Variants in CELSR1 observed in about 807,000 individuals in gnomAD.
The protein encoded by CELSR1 is cadherin EGF LAG seven-pass G-type receptor 1, also known as adhesion G protein-coupled receptor C1.
A neutral mutation model predicts 249.1 loss-of-function variants in CELSR1; 110 were observed. That is an observed-to-expected ratio of 0.44 (90% confidence interval 0.38 to 0.52). The LOEUF (loss-of-function observed/expected upper bound fraction) is 0.52, where lower values mean the gene tolerates loss of function less well. CELSR1 is among the 20% of genes least tolerant of loss of function. The pLI, the probability that CELSR1 is intolerant of heterozygous loss-of-function variation, is 0.00. For synonymous variants in CELSR1, 2,113 were observed against 1,900.0 expected (o/e 1.11, Z -2.92); for missense variants, 4,109 against 4,296.4 (o/e 0.96, Z 1.22).
At position 46,396,585 on chromosome 22, in the gene CELSR1, G is replaced by C. The variant is rs753690366; in HGVS notation, c.5843+20C>G. 6.5e-7 allele frequency: 1 copy of C among 1,536,866 alleles called. No individual in the cohort carries two copies. Among genetic ancestry groups the C allele is most frequent in the African/African-American group, 1.4e-5 (1 of 71,938 alleles). On this transcript the variant is annotated intron_variant, in intron 13 of 34. Coordinates refer to ENST00000674500, the MANE Select transcript of CELSR1 (RefSeq NM_001378328.1). This position sits in a 1 kb window ranked among gnomAD's most constrained non-coding sequence, Gnocchi z 6.4. Reference sequence around the variant, plus strand: ...ACATGGACTCTGAAGGTGCAGGGAGGCACCAGGGGCTGCTCTTACTTGTTC... The same window carrying C: ...ACATGGACTCTGAAGGTGCAGGGAGCCACCAGGGGCTGCTCTTACTTGTTC...
rs530403062 is a variant in CELSR1, at chr22:46,441,309, T to C, written c.4184-1898A>G. Among the ~76,000 whole-genome samples the C allele has an allele frequency of 1.3e-5, 2 of 152,184 alleles. No homozygotes were observed. Among genetic ancestry groups the C allele is most frequent in the African/African-American group, 4.8e-5 (2 of 41,528 alleles). ...TCCCCAGAGTGGGATGGCTCCACGA[T>C]GGGCCCTTTGGACAGGCACCTGCAA... On this transcript the variant is annotated intron_variant, in intron 2 of 34. Coordinates refer to ENST00000674500, the MANE Select transcript of CELSR1 (RefSeq NM_001378328.1). The surrounding 1 kb of genome is among the most constrained non-coding windows in gnomAD (Gnocchi z 6.1).
intron 1 of CELSR1, 119 bp downstream of exon 1, chr22:46,533,508 G>C: frequency 1.4e-6 from 2 of 1,401,402 alleles, no homozygotes; most frequent in Non-Finnish European, 1.9e-6. Context: ...AATCCTTGCA[G>C]AGTTGCCCGG....
Position 46,433,581 on chromosome 22 carries a change from C to A in CELSR1, c.4523-100G>T. 1 of 821,382 alleles carries A rather than the reference C, an allele frequency of 1.2e-6. No homozygotes were observed. Among genetic ancestry groups the A allele is most frequent in the Non-Finnish European group, 2.0e-6 (1 of 500,542 alleles). The allele number at this position is 821,382 out of a possible 1,614,324, so 50.9% of individuals were successfully genotyped here. On this transcript the variant is annotated intron_variant, in intron 4 of 34. Transcript: ENST00000674500. The surrounding 1 kb of genome is among the most constrained non-coding windows in gnomAD (Gnocchi z 5.7). ...GAGGCATCAGGGGGAGACAGGTGCA[C>A]ATGGCCACGTCCTCCCTCCCCTCCC...
rs1031648757 is a variant in CELSR1, at chr22:46,390,669, T to C, written c.6251-183A>G. On this transcript the variant is annotated intron_variant, in intron 16 of 34. Transcript: ENST00000674500. This position sits in a 1 kb window ranked among gnomAD's most constrained non-coding sequence, Gnocchi z 6.3. ...ATGTCAGGGCCACGGCCGAAGCTGC[T>C]CTGACACTGACAACCAGGCGTTTCG... Among the ~76,000 whole-genome samples, 1 of 152,132 alleles carries C rather than the reference T, an allele frequency of 6.6e-6. No individual in the cohort carries two copies. The highest frequency in any genetic ancestry group is 1.9e-4 in the East Asian group (1 of 5,178).
In CELSR1 at chr22:46,381,572, G is replaced by A. The variant is rs1569118883; in HGVS notation, c.7088+274C>T. Among the ~76,000 whole-genome samples the A allele has an allele frequency of 3.3e-5, 5 of 152,324 alleles. No homozygotes were observed. In the South Asian group the frequency reaches 1.0e-3, roughly 32 times the overall value. ...AATGGGGTCCCTCTGGGCACAAGAT[G>A]GGGTGTATGCTGGGGAGGGGGCATT... On this transcript the variant is annotated intron_variant, in intron 21 of 34. Coordinates refer to ENST00000674500, the MANE Select transcript of CELSR1 (RefSeq NM_001378328.1). The surrounding 1 kb of genome is among the most constrained non-coding windows in gnomAD (Gnocchi z 6.0).
Position 46,448,321 on chromosome 22 carries a change from TG to T in CELSR1, c.4184-8911del, listed in dbSNP as rs1215022417. On this transcript the variant is annotated intron_variant, in intron 2 of 34. Transcript: ENST00000674500. The surrounding 1 kb of genome is among the most constrained non-coding windows in gnomAD (Gnocchi z 5.7). The stretch of plus-strand genomic sequence containing the variant: ...GAGGGCCCACGCGAGGGGATGCTGA[TG>T]TGAACCCCTGGCTCAAGAGCTCCAG... 6.6e-6 allele frequency among the ~76,000 whole-genome samples: 1 copy of T among 152,092 alleles called. No homozygotes were observed. Among genetic ancestry groups the T allele is most frequent in the Non-Finnish European group, 1.5e-5 (1 of 68,000 alleles).
In CELSR1 at chr22:46,391,337, G is replaced by T; in HGVS notation, c.6149-50C>A. ...GCTCAGCGGGGCACGCCACACCCAC[G>T]ACCACAAACAGGCACCACTGTCTGC... On this transcript the variant is annotated intron_variant, in intron 15 of 34. Coordinates refer to ENST00000674500, the MANE Select transcript of CELSR1 (RefSeq NM_001378328.1). The surrounding 1 kb of genome is among the most constrained non-coding windows in gnomAD (Gnocchi z 4.3). The T allele has an allele frequency of 6.6e-7, 1 of 1,525,270 alleles. No individual in the cohort carries two copies. The highest frequency in any genetic ancestry group is 1.1e-5 in the South Asian group (1 of 88,046). 94.5% of individuals were successfully genotyped at this position (1,525,270 alleles called of 1,614,324 possible).
intron 1 of CELSR1, among the ~76,000 whole-genome samples, chr22:46,524,837 G>C (rs1251888745): frequency 1.3e-5 from 2 of 152,198 alleles, no homozygotes; most frequent in Non-Finnish European, 2.9e-5. Flanking sequence ...ACGTGTGGGA[G>C]GAAACGAAAA....
intron 5 of CELSR1, among the ~76,000 whole-genome samples, chr22:46,420,497 C>T (rs1470603268): frequency 6.6e-6 from 1 of 152,230 alleles, no homozygotes; most frequent in Admixed American, 6.5e-5. Context: ...CACGTGTGCA[C>T]ACGTGGACAC....
Position 46,506,677 on chromosome 22 carries a change from C to T in CELSR1, c.3544+26950G>A, listed in dbSNP as rs572994734. On this transcript the variant is annotated intron_variant, in intron 1 of 34. Transcript: ENST00000674500. This position sits in a 1 kb window ranked among gnomAD's most constrained non-coding sequence, Gnocchi z 4.1. ...GTTTTCAGGGCATACCCTCCCTACCCGCAGTGACGCACAGCCGCTGAGACA... is the reference window on the plus strand; with the variant it reads ...GTTTTCAGGGCATACCCTCCCTACCTGCAGTGACGCACAGCCGCTGAGACA... Among the ~76,000 whole-genome samples, 9 of 152,320 alleles carry T rather than the reference C, an allele frequency of 5.9e-5. No individual in the cohort carries two copies. The highest frequency in any genetic ancestry group is 1.9e-4 in the East Asian group (1 of 5,192).
rs1436158688 is a variant in CELSR1 at position 46,464,362 on chromosome 22, A to T, written c.3545-17T>A. On this transcript the variant is annotated splice_polypyrimidine_tract_variant and intron_variant, in intron 1 of 34. Transcript: ENST00000674500. This position sits in a 1 kb window ranked among gnomAD's most constrained non-coding sequence, Gnocchi z 8.5. ...GGATGCCATCTGCAGACACAAGGAA[A>T]GTCAGGGTCATTCAGATGCTGCGGG... 9 of 1,601,830 alleles carry T rather than the reference A, an allele frequency of 5.6e-6. No homozygotes were observed. The highest frequency in any genetic ancestry group is 7.7e-6 in the Non-Finnish European group (9 of 1,173,712).
chr22:46,413,609 G>A lies in CELSR1; in HGVS notation c.4612-1850C>T, dbSNP rs1326447361. On this transcript the variant is annotated intron_variant, in intron 5 of 34. Coordinates refer to ENST00000674500, the MANE Select transcript of CELSR1 (RefSeq NM_001378328.1). This position sits in a 1 kb window ranked among gnomAD's most constrained non-coding sequence, Gnocchi z 4.7. ...TAAATCCAAGGGAGGCTTCTACCAT[G>A]ACCCCTGGTATTCGAATGCATGGAT... Among the ~76,000 whole-genome samples the A allele has an allele frequency of 6.6e-6, 1 of 152,222 alleles. No homozygotes were observed. The highest frequency in any genetic ancestry group is 1.5e-5 in the Non-Finnish European group (1 of 68,046).
At chr22:46,379,932 C>T (rs560097764) in intron 22 of CELSR1, among the ~76,000 whole-genome samples, 1 of 152,354 alleles carries the variant, frequency 6.6e-6, no homozygotes, top group South Asian at 2.1e-4. Context: ...ACCACACCCC[C>T]GTTCCAGTGC....
chr22:46,501,833 T>C (rs1175541249), intron 1 of CELSR1, among the ~76,000 whole-genome samples: 1 of 152,214 alleles, frequency 6.6e-6, no homozygotes. Context: ...GGCACAGTCA[T>C]GGGCTTCCTT....
intron 28 of CELSR1, 103 bp from the exon 29 acceptor site, chr22:46,367,221 A>C: frequency 7.0e-6 from 10 of 1,419,714 alleles, no homozygotes; most frequent in East Asian, 2.5e-5. Context: ...TGCACACAAC[A>C]TGTCCGGCCA....
Position 46,537,106 on chromosome 22 carries a change from G to T in CELSR1, c.65C>A (p.Pro22Gln). Residue 22 changes from proline to glutamine, a missense_variant, in exon 1 of 35, where the codon CCG (proline) becomes CAG (glutamine). Pro to Gln is a moderately conservative substitution (Grantham distance 76). This residue lies in a region of CELSR1 where 673 missense variants were observed against 636.8 expected (regional missense o/e 1.06). Coordinates refer to ENST00000674500, the MANE Select transcript of CELSR1 (RefSeq NM_001378328.1). This position sits in a 1 kb window ranked among gnomAD's most constrained non-coding sequence, Gnocchi z 5.8. ...GGCGGCCGCTCGCAGCCCCATCGCC[G>T]GCAGGGCGGCGGCGGCGGCCAGGAG... ...LLLLAAAAALPAMGLRAAAWE... is the reference protein window; with the variant it reads ...LLLLAAAAALQAMGLRAAAWE... 1 of 1,039,468 alleles carries T rather than the reference G, an allele frequency of 9.6e-7. No individual in the cohort carries two copies. Among genetic ancestry groups the T allele is most frequent in the African/African-American group, 1.7e-5 (1 of 58,164 alleles). 64.4% of individuals were successfully genotyped at this position (1,039,468 alleles called of 1,614,324 possible).
Position 46,406,592 on chromosome 22 carries a change from G to C in CELSR1, c.5226+2404C>G, listed in dbSNP as rs149797646. On this transcript the variant is annotated intron_variant, in intron 9 of 34. Coordinates refer to ENST00000674500, the MANE Select transcript of CELSR1 (RefSeq NM_001378328.1). This position sits in a 1 kb window ranked among gnomAD's most constrained non-coding sequence, Gnocchi z 5.4. ...CTCATGATGGGGAGGGCATGTGCTG[G>C]GCAGTCCCTCTGTCCACCCGCCAAC... is the stretch of plus-strand genomic sequence containing the variant. 8.1e-4 allele frequency among the ~76,000 whole-genome samples: 124 copies of C among 152,332 alleles called. No individual in the cohort carries two copies. The highest frequency in any genetic ancestry group is 2.8e-3 in the African/African-American group (116 of 41,590).
At chr22:46,524,991 C>T (rs959420308) in intron 1 of CELSR1, among the ~76,000 whole-genome samples, 3 of 152,150 alleles carry the variant, frequency 2.0e-5, no homozygotes, top group Non-Finnish European at 4.4e-5. Context: ...ATCCACACCG[C>T]CTACCAGGCC....
chr22:46,482,522 C>T (rs1181117170), intron 1 of CELSR1, among the ~76,000 whole-genome samples: 1 of 152,090 alleles, frequency 6.6e-6, no homozygotes, highest in Admixed American at 6.5e-5. Context: ...GAAACCAAAG[C>T]ACATAGAGGT....
Sources: gnomAD v4.1 joint callset for allele counts (sites outside exome capture counted in the v4.1 genomes callset) on GRCh38, gnomAD v4.1.1 for gene constraint, gnomAD v4.1.1 regional missense constraint, Gnocchi (gnomAD v3.1) non-coding constraint, MANE v1.5 for transcripts, NCBI Gene and HGNC (gene_info 2026-07-23, HGNC 2026-07-21) for gene names.